SHROOM3: variants seen among roughly 807,000 people sequenced by gnomAD.
SHROOM3 encodes protein Shroom3.
A neutral mutation model predicts 138.6 loss-of-function variants in SHROOM3; 47 were observed. That is an observed-to-expected ratio of 0.34 (90% CI 0.27 to 0.43). The LOEUF is 0.43. Ranked by LOEUF, SHROOM3 falls within the 20% of genes least tolerant of loss-of-function variation. The pLI is 1.00. For synonymous variants in SHROOM3, 1,062 were observed against 1,063.3 expected, an observed-to-expected ratio of 1.00 and a Z score of 0.02; for missense variants, 2,491 against 2,596.5, an observed-to-expected ratio of 0.96 and a Z score of 0.88.
chr4:76,740,872 G>A lies in SHROOM3; in HGVS notation c.2699G>A (p.Arg900Lys), dbSNP rs777864395. ...STFQLSSEPEREPEWRDRPGS... is the reference protein window; with the variant it reads ...STFQLSSEPEKEPEWRDRPGS... ...TTCCAGCTCTCCAGCGAGCCAGAGA[G>A]GGAGCCCGAGTGGCGGGACAGGCCC... The change falls in exon 5 of 11, where the codon AGG (arginine) becomes AAG (lysine). Residue 900 changes from arginine (R) to lysine (K), a missense_variant. This residue lies in a region of SHROOM3 where 1,733 missense variants were observed against 1,661.6 expected (regional missense o/e 1.04). Transcript: ENST00000296043. This position sits in a 1 kb window ranked among gnomAD's most constrained non-coding sequence, Gnocchi z 4.0. 1.3e-6 allele frequency: 2 copies of A among 1,550,784 alleles called. No homozygotes were observed. Among genetic ancestry groups the A allele is most frequent in the Non-Finnish European group, 1.7e-6 (2 of 1,152,044 alleles).
At chr4:76,534,770 T>C (rs1732915120) in intron 1 of SHROOM3, among the ~76,000 whole-genome samples, 1 of 152,160 alleles carries the variant, frequency 6.6e-6, no homozygotes, top group Admixed American at 6.6e-5. Context: ...CACAGATCTA[T>C]TCCTGCACCT....
intron 3 of SHROOM3, among the ~76,000 whole-genome samples, chr4:76,711,938 C>T (rs533464530): frequency 6.6e-6 from 1 of 152,182 alleles, no homozygotes; most frequent in South Asian, 2.1e-4. Context: ...GGGTGAGATT[C>T]GCCAAGACCT....
At chr4:76,463,519 G>A (rs538991548) in intron 1 of SHROOM3, among the ~76,000 whole-genome samples, 46 of 152,330 alleles carry the variant, frequency 3.0e-4, no homozygotes, top group African/African-American at 1.1e-3. Flanking sequence ...AGGAATTCAA[G>A]CCAGCTATGG....
In SHROOM3 at chr4:76,741,636, C is replaced by G. The variant is rs1356402767; in HGVS notation, c.3463C>G (p.Leu1155Val). Reference protein sequence around the residue: ...PSLQPRREATLLPATVAETQQ... With the variant: ...PSLQPRREATVLPATVAETQQ... ...CCTGCAGCCCCGCAGGGAGGCCACG[C>G]TCCTGCCGGCCACAGTTGCAGAAAC... The change falls in exon 5 of 11, where the codon CTC (leucine) becomes GTC (valine). Residue 1155 changes from leucine to valine, a missense_variant. Physicochemically the swap from Leu to Val is conservative, Grantham distance 32 (BLOSUM62 1). Transcript: ENST00000296043. This position sits in a 1 kb window ranked among gnomAD's most constrained non-coding sequence, Gnocchi z 6.2. 1 of 1,543,680 alleles carries G rather than the reference C, an allele frequency of 6.5e-7. No individual in the cohort carries two copies. The highest frequency in any genetic ancestry group is 1.4e-5 in the African/African-American group (1 of 73,320).
chr4:76,716,399 A>G (rs1175949695), intron 3 of SHROOM3: 3 of 518,966 alleles, frequency 5.8e-6, no homozygotes, highest in East Asian at 5.4e-5. Context: ...GGATGTTTCT[A>G]TTTGCCACAA....
At chr4:76,670,829 T>A (rs1331471153) in intron 2 of SHROOM3, among the ~76,000 whole-genome samples, 1 of 152,136 alleles carries the variant, frequency 6.6e-6, no homozygotes, top group Non-Finnish European at 1.5e-5. Context: ...GGTGCATGCC[T>A]GTGGTCTCAG....
chr4:76,766,526 A>G (rs985424524), intron 9 of SHROOM3, among the ~76,000 whole-genome samples: 1 of 152,228 alleles, frequency 6.6e-6, no homozygotes, highest in African/African-American at 2.4e-5. Flanking sequence ...TTTATGCCAG[A>G]TGAGAAGTGG....
chr4:76,573,506 A>G (rs1733875183), intron 2 of SHROOM3: 1 of 154,266 alleles, frequency 6.5e-6, no homozygotes, highest in Non-Finnish European at 1.5e-5. Context: ...AGTCTGAAAT[A>G]AAATCCTCCC....
Position 76,740,826 on chromosome 4 carries a change from C to T in SHROOM3, c.2653C>T (p.Leu885Phe), listed in dbSNP as rs1444239119. The T allele has an allele frequency of 3.1e-6, 5 of 1,599,968 alleles. No individual in the cohort carries two copies. Among genetic ancestry groups the T allele is most frequent in the African/African-American group, 1.3e-5 (1 of 74,652 alleles). ...TGGCCCCCAGAGGCCGGACGCTCGG[C>T]TCCTCCGTAGCCAGAGCACCTTCCA... ...GRGPQRPDARLLRSQSTFQLS... is the reference protein window; with the variant it reads ...GRGPQRPDARFLRSQSTFQLS... Residue 885 changes from leucine (L) to phenylalanine (F), a missense_variant, in exon 5 of 11, where the codon CTC (leucine) becomes TTC (phenylalanine). Physicochemically the swap from Leu to Phe is conservative, Grantham distance 22. Coordinates refer to ENST00000296043, the MANE Select transcript of SHROOM3 (RefSeq NM_020859.4). This position sits in a 1 kb window ranked among gnomAD's most constrained non-coding sequence, Gnocchi z 4.0.
At chr4:76,550,834 C>T (rs1733338193) in intron 1 of SHROOM3, among the ~76,000 whole-genome samples, 1 of 151,458 alleles carries the variant, frequency 6.6e-6, no homozygotes, top group African/African-American at 2.4e-5. Context: ...CCTGTCTCCA[C>T]AAAAAATAAA....
chr4:76,506,645 A>T (rs115648472), intron 1 of SHROOM3, among the ~76,000 whole-genome samples: 184 of 152,344 alleles, frequency 1.2e-3, no homozygotes, highest in African/African-American at 4.2e-3. Context: ...TGAAGGATAT[A>T]GTATCCCAAA....
chr4:76,438,009 G>A (rs1339980271), intron 1 of SHROOM3, among the ~76,000 whole-genome samples: 1 of 152,168 alleles, frequency 6.6e-6, no homozygotes, highest in Non-Finnish European at 1.5e-5. Flanking sequence ...TTAATGGGTT[G>A]TGTTTAAATG....
intron 1 of SHROOM3, among the ~76,000 whole-genome samples, chr4:76,522,039 A>G (rs1036790960): frequency 2.6e-5 from 4 of 152,046 alleles, no homozygotes; most frequent in Non-Finnish European, 4.4e-5. Context: ...TTAAACAATT[A>G]AACTCTTTTA....
intron 2 of SHROOM3, among the ~76,000 whole-genome samples, chr4:76,626,234 G>T (rs1326178488): frequency 1.3e-5 from 2 of 152,136 alleles, no homozygotes; most frequent in African/African-American, 4.8e-5. Context: ...CTCTCCAAGT[G>T]GTAGAAATGA....
chr4:76,560,745 A>G (rs937884687), intron 2 of SHROOM3, among the ~76,000 whole-genome samples: 3 of 152,228 alleles, frequency 2.0e-5, no homozygotes, highest in East Asian at 1.9e-4. Context: ...TTATAATGCT[A>G]TGCAAGCCAG....
intron 2 of SHROOM3, among the ~76,000 whole-genome samples, chr4:76,684,837 A>AT (rs775572562): frequency 8.1e-4 from 124 of 152,368 alleles, no homozygotes; most frequent in Non-Finnish European, 1.3e-3. Flanking sequence ...GCTGAAAGAA[A>AT]TTATAGAGTT....
At chr4:76,511,745 T>A (rs1310628821) in intron 1 of SHROOM3, among the ~76,000 whole-genome samples, 1 of 152,164 alleles carries the variant, frequency 6.6e-6, no homozygotes, top group African/African-American at 2.4e-5. Context: ...ATGTTCCAAT[T>A]ATAAACAATA....
chr4:76,727,552 C>CTGAG (rs1025843813), intron 3 of SHROOM3, among the ~76,000 whole-genome samples: 5 of 152,192 alleles, frequency 3.3e-5, no homozygotes, highest in African/African-American at 1.2e-4. Context: ...TGCTAAGATG[C>CTGAG]TGAGCCATGA....
chr4:76,561,686 T>TAAAAA lies in SHROOM3; in HGVS notation c.323+5940_323+5944dup, dbSNP rs549046211. ...CTCCTTTTAGAAATATCTGTGATGC[T>TAAAAA]AAAAAAAAAAAAAAAAAAAAAGAGA... is the stretch of plus-strand genomic sequence containing the variant. On this transcript the variant is annotated intron_variant, in intron 2 of 10. Transcript: ENST00000296043. 3.5e-3 allele frequency among the ~76,000 whole-genome samples: 317 copies of TAAAAA among 89,356 alleles called. 4 individuals are homozygous for TAAAAA. Among genetic ancestry groups the TAAAAA allele is most frequent in the African/African-American group, 0.013 (287 of 22,076 alleles). 58.6% of individuals were successfully genotyped at this position (89,356 alleles called of 152,430 possible).
Sources: gnomAD v4.1 joint callset for allele counts (sites outside exome capture counted in the v4.1 genomes callset) on GRCh38, gnomAD v4.1.1 for gene constraint, gnomAD v4.1.1 regional missense constraint, Gnocchi (gnomAD v3.1) non-coding constraint, MANE v1.5 for transcripts, NCBI Gene and HGNC (gene_info 2026-07-23, HGNC 2026-07-21) for gene names.